NYAP2: variants seen among roughly 807,000 people sequenced by gnomAD.
NYAP2 encodes neuronal tyrosine-phosphorylated phosphoinositide-3-kinase adaptor 2.
NYAP2 carries 23 observed loss-of-function variants against 50.4 expected under a neutral mutation model. The ratio of observed to expected loss-of-function variants is 0.46; its 90% CI spans 0.33 to 0.65. NYAP2 has a LOEUF of 0.65. Ranked by LOEUF, NYAP2 falls within the 30% of genes least tolerant of loss-of-function variation. The pLI, the probability that NYAP2 is intolerant of heterozygous loss-of-function variation, is 0.02. For synonymous variants in NYAP2, 394 were observed against 365.2 expected (o/e 1.08, Z -0.90); for missense variants, 885 against 861.0 (o/e 1.03, Z -0.35).
At chr2:225,433,482 A>C (rs1052170840) in intron 3 of NYAP2, among the ~76,000 whole-genome samples, 3 of 152,138 alleles carry the variant, frequency 2.0e-5, no homozygotes, top group African/African-American at 7.2e-5. Context: ...TAAACAAGAA[A>C]TGTATAGTCA....
intron 3 of NYAP2, among the ~76,000 whole-genome samples, chr2:225,429,136 A>G (rs1316087713): frequency 6.6e-6 from 1 of 152,084 alleles, no homozygotes; most frequent in Non-Finnish European, 1.5e-5. Flanking sequence ...AACAGTTATG[A>G]AAAAGGAAAG....
At chr2:225,702,608 T>C in the NYAP2 span, 1 of 151,684 alleles carries the variant, frequency 6.6e-6, no homozygotes, top group East Asian at 1.9e-4. Context: ...TGTGTGCATA[T>C]ATAATATGTA....
downstream of NYAP2, among the ~76,000 whole-genome samples, chr2:225,655,726 G>T (rs562803475): frequency 6.6e-6 from 1 of 152,278 alleles, no homozygotes; most frequent in African/African-American, 2.4e-5. Flanking sequence ...TGCTATAGCA[G>T]CTGATGCACA....
At chr2:225,473,931 T>C (rs1315108135) in intron 3 of NYAP2, among the ~76,000 whole-genome samples, 1 of 152,240 alleles carries the variant, frequency 6.6e-6, no homozygotes, top group Admixed American at 6.5e-5. Flanking sequence ...TCTAGGGTTT[T>C]TATGGTTTTA....
At chr2:225,566,143 G>A (rs1176876875) in intron 4 of NYAP2, among the ~76,000 whole-genome samples, 1 of 152,062 alleles carries the variant, frequency 6.6e-6, no homozygotes, top group Non-Finnish European at 1.5e-5. Flanking sequence ...TCCCCCCAAA[G>A]CGCATTGTCT....
intron 2 of NYAP2, among the ~76,000 whole-genome samples, chr2:225,408,213 C>A (rs1694973410): frequency 6.6e-6 from 1 of 151,924 alleles, no homozygotes; most frequent in Non-Finnish European, 1.5e-5. Flanking sequence ...CTGGTCAGGA[C>A]TAATGTGGTC....
At chr2:225,652,278 T>C (rs1029731182) in exon 7 of NYAP2, 1 of 152,192 alleles carries the variant, frequency 6.6e-6, no homozygotes, top group Non-Finnish European at 1.5e-5. Context: ...AACCTTTAAA[T>C]GAATGACTTT....
At chr2:225,641,538 G>C (rs560393253) in intron 6 of NYAP2, among the ~76,000 whole-genome samples, 3 of 151,396 alleles carry the variant, frequency 2.0e-5, no homozygotes, top group African/African-American at 7.3e-5. Flanking sequence ...ATGTAGGCCA[G>C]GTGCGGTGGC....
chr2:225,676,187 G>A, the NYAP2 span, among the ~76,000 whole-genome samples: 1 of 152,028 alleles, frequency 6.6e-6, no homozygotes, highest in South Asian at 2.1e-4. Flanking sequence ...TGATTTTGTT[G>A]TAATTGCTTT....
At chr2:225,665,807 T>TAAAAAAAAAAAA in the NYAP2 span, among the ~76,000 whole-genome samples, 34 of 20,998 alleles carry the variant, frequency 1.6e-3, 9 homozygotes, top group African/African-American at 3.3e-3. Context: ...AGCCTCCGTC[T>TAAAAAAAAAAAA]AAAAAAAAAA....
chr2:225,499,225 G>T (rs185473696), intron 3 of NYAP2, among the ~76,000 whole-genome samples: 54 of 152,146 alleles, frequency 3.5e-4, no homozygotes, highest in African/African-American at 1.3e-3. Context: ...AAGAAGCTGC[G>T]GTCTAAAAGA....
intron 3 of NYAP2, among the ~76,000 whole-genome samples, chr2:225,512,852 T>TTCCTTC (rs1690852275): frequency 1.6e-4 from 20 of 123,564 alleles, no homozygotes; most frequent in South Asian, 8.3e-4. Context: ...TTTCTTTCTT[T>TTCCTTC]CTTCCTTCCT....
intron 6 of NYAP2, among the ~76,000 whole-genome samples, chr2:225,638,616 G>C (rs997116439): frequency 6.6e-6 from 1 of 152,150 alleles, no homozygotes; most frequent in Non-Finnish European, 1.5e-5. Context: ...AAAAGACAGA[G>C]AGCGAACAAC....
Position 225,582,197 on chromosome 2 carries a change from C to T in NYAP2, c.780C>T (p.Asp260=), listed in dbSNP as rs115500547. The change falls in exon 5 of 7, where the codon GAC becomes GAT. Residue 260 remains aspartate (D), a synonymous_variant. Coordinates refer to ENST00000636099, the Ensembl canonical transcript of NYAP2. The surrounding 1 kb of genome is among the most constrained non-coding windows in gnomAD (Gnocchi z 7.0). ...TTCTCAGAGACTTCAGGAAGGAGGA[C>T]GATGACCAGAGCGAGGCCGTCTACG... 125 of 1,614,034 alleles carry T rather than the reference C, an allele frequency of 7.7e-5. No individual in the cohort carries two copies. The highest frequency in any genetic ancestry group is 3.9e-4 in the African/African-American group (29 of 75,066).
chr2:225,503,544 A>G (rs888196182), intron 3 of NYAP2, among the ~76,000 whole-genome samples: 7 of 152,200 alleles, frequency 4.6e-5, no homozygotes, highest in African/African-American at 1.4e-4. Flanking sequence ...CCTCTTTAGA[A>G]ACTCAGAAAT....
chr2:225,446,324 G>GTTCA (rs1479109691), intron 3 of NYAP2, among the ~76,000 whole-genome samples: 4 of 139,094 alleles, frequency 2.9e-5, no homozygotes, highest in Non-Finnish European at 6.2e-5. Flanking sequence ...TGTTACTATT[G>GTTCA]TTCATTCATT....
At chr2:225,587,488 C>T (rs1221945622) in intron 5 of NYAP2, among the ~76,000 whole-genome samples, 5 of 152,040 alleles carry the variant, frequency 3.3e-5, no homozygotes, top group African/African-American at 9.7e-5. Context: ...AGAAGAGAGG[C>T]GCACAGAAAG....
At position 225,535,627 on chromosome 2, in the gene NYAP2, G is replaced by A. The variant is rs7603977; in HGVS notation, c.523+21955G>A. ...TTCCAAGGGAGCATTGTGGTGGTCT[G>A]AGTGGAAGAGTGGCATGACTACTTG... On this transcript the variant is annotated intron_variant, in intron 4 of 6. Coordinates refer to ENST00000636099, the Ensembl canonical transcript of NYAP2. Among the ~76,000 whole-genome samples the A allele has an allele frequency of 8.9e-3, 1,354 of 152,286 alleles. 7 individuals are homozygous for A. The highest frequency in any genetic ancestry group is 0.021 in the Admixed American group (319 of 15,298).
At chr2:225,595,167 G>C (rs1227175419) in intron 5 of NYAP2, among the ~76,000 whole-genome samples, 1 of 152,084 alleles carries the variant, frequency 6.6e-6, no homozygotes, top group Non-Finnish European at 1.5e-5. Context: ...TCTTTTCGTA[G>C]ATGGAACTGA....
Sources: allele counts gnomAD v4.1 joint callset (sites outside exome capture counted in the v4.1 genomes callset), GRCh38; gene constraint gnomAD v4.1.1; non-coding constraint Gnocchi (gnomAD v3.1); transcripts MANE v1.5; gene names NCBI Gene and HGNC (gene_info 2026-07-23, HGNC 2026-07-21).